NEGR1: variants seen among roughly 807,000 people sequenced by gnomAD.
NEGR1 encodes the protein IgLON family member 4.
A neutral mutation model predicts 40.9 loss-of-function variants in NEGR1; 10 were observed. That is an observed-to-expected ratio of 0.24 (90% confidence interval 0.15 to 0.42). The LOEUF (loss-of-function observed/expected upper bound fraction) is 0.42, where lower values mean the gene tolerates loss of function less well. Ranked by LOEUF, NEGR1 falls within the 10% of genes least tolerant of loss-of-function variation. The probability of loss-of-function intolerance (pLI) is 1.00; values close to 1 mark genes in which losing one functional copy is unlikely to be tolerated. For synonymous variants in NEGR1, 185 were observed against 166.8 expected, an observed-to-expected ratio of 1.11 and a Z score of -0.84; for missense variants, 352 against 438.9, an observed-to-expected ratio of 0.80 and a Z score of 1.77.
intron 1 of NEGR1, among the ~76,000 whole-genome samples, chr1:72,055,655 C>T (rs939819920): frequency 1.3e-5 from 2 of 150,672 alleles, no homozygotes; most frequent in Non-Finnish European, 3.0e-5. Flanking sequence ...ACATTAAATG[C>T]TTATGTCAAA....
intron 2 of NEGR1, among the ~76,000 whole-genome samples, chr1:71,862,580 T>C (rs1196039796): frequency 6.6e-6 from 1 of 152,118 alleles, no homozygotes; most frequent in East Asian, 1.9e-4. Context: ...ATTCTGTGTA[T>C]TGTCTCTTAC....
chr1:72,037,518 A>G (rs1646913600), intron 1 of NEGR1, among the ~76,000 whole-genome samples: 1 of 152,144 alleles, frequency 6.6e-6, no homozygotes, highest in Non-Finnish European at 1.5e-5. Flanking sequence ...TCATTAACCA[A>G]TTGTGCTGTA....
chr1:71,552,137 T>A (rs771289244), intron 6 of NEGR1, among the ~76,000 whole-genome samples: 28 of 151,486 alleles, frequency 1.8e-4, no homozygotes, highest in Non-Finnish European at 3.4e-4. Flanking sequence ...CTTCATATCA[T>A]CACTTGATAT....
At chr1:71,563,511 T>C (rs748269905) in intron 6 of NEGR1, among the ~76,000 whole-genome samples, 3 of 151,638 alleles carry the variant, frequency 2.0e-5, no homozygotes, top group Non-Finnish European at 4.4e-5. Context: ...AGAGGGAGAG[T>C]AAATTATCAT....
intron 1 of NEGR1, among the ~76,000 whole-genome samples, chr1:72,111,093 CACACACACACACACACACGTATATATAT>C (rs1318096140): frequency 6.6e-6 from 1 of 150,782 alleles, no homozygotes; most frequent in Non-Finnish European, 1.5e-5. Flanking sequence ...TATACACACA[CACACACACACACACACACGTATATATAT>C]ACACACACAC....
At chr1:71,611,947 G>A (rs1311391772) in intron 4 of NEGR1, among the ~76,000 whole-genome samples, 1 of 152,194 alleles carries the variant, frequency 6.6e-6, no homozygotes. Context: ...CATTGGCCGA[G>A]TGCGGTGGCT....
At chr1:71,868,457 A>G (rs1005516674) in intron 2 of NEGR1, among the ~76,000 whole-genome samples, 3 of 140,352 alleles carry the variant, frequency 2.1e-5, no homozygotes, top group Non-Finnish European at 4.6e-5. Flanking sequence ...ATAGATAGAT[A>G]GATAGATAGA....
At position 71,431,665 on chromosome 1, in the gene NEGR1, T is replaced by C. The variant is rs188818377; in HGVS notation, c.941-24095A>G. 2.2e-3 allele frequency among the ~76,000 whole-genome samples: 333 copies of C among 152,152 alleles called. 1 individual carries two copies. The highest frequency in any genetic ancestry group is 7.8e-3 in the African/African-American group (323 of 41,496). On this transcript the variant is annotated intron_variant, in intron 6 of 6. Coordinates refer to ENST00000357731, the MANE Select transcript of NEGR1 (RefSeq NM_173808.3). ...TTCCTAGGCACTAGGGATATAGCAA[T>C]GAACAAACAAATTTCTTGCTATCAT...
rs1659171674 is a variant in NEGR1 at position 71,839,738 on chromosome 1, TA to T, written c.410-63442del. Among the ~76,000 whole-genome samples, 3 of 152,142 alleles carry T rather than the reference TA, an allele frequency of 2.0e-5. No homozygotes were observed. The South Asian group carries it at 6.2e-4, about 32-fold the overall frequency. Reference sequence around the variant, plus strand: ...AGGATTTTATTTTAACCAGGACATTTAAACTACTCTTCATAAAGCAATCTCC... The same window carrying T: ...AGGATTTTATTTTAACCAGGACATTTAACTACTCTTCATAAAGCAATCTCC... On this transcript the variant is annotated intron_variant, in intron 2 of 6. Transcript: ENST00000357731.
chr1:72,036,655 CA>C (rs71723530), intron 1 of NEGR1, among the ~76,000 whole-genome samples: 47,506 of 107,574 alleles, frequency 0.44, 7,868 homozygotes, highest in East Asian at 0.63. Context: ...GACTCCATCT[CA>C]AAAAAAAAAA....
chr1:71,781,992 T>C (rs778556975), intron 2 of NEGR1, among the ~76,000 whole-genome samples: 12 of 152,086 alleles, frequency 7.9e-5, no homozygotes, highest in Non-Finnish European at 1.6e-4. Flanking sequence ...TTTTAAAAGA[T>C]CAAAATTCGA....
chr1:72,239,939 G>C (rs1047170560), intron 1 of NEGR1, among the ~76,000 whole-genome samples: 1 of 151,750 alleles, frequency 6.6e-6, no homozygotes, highest in Non-Finnish European at 1.5e-5. Context: ...AAAAGGTCAT[G>C]GAAAATGTGT....
intron 6 of NEGR1, among the ~76,000 whole-genome samples, chr1:71,524,577 G>A (rs913751622): frequency 2.6e-5 from 4 of 151,510 alleles, no homozygotes; most frequent in Non-Finnish European, 5.9e-5. Flanking sequence ...GAAAATATTA[G>A]ATGTAGAAAA....
At chr1:71,502,825 A>G (rs1647007993) in intron 6 of NEGR1, among the ~76,000 whole-genome samples, 1 of 152,192 alleles carries the variant, frequency 6.6e-6, no homozygotes, top group East Asian at 1.9e-4. Flanking sequence ...CATGACTGAG[A>G]TGTATCCTAG....
Position 71,896,812 on chromosome 1 carries a change from C to T in NEGR1, c.409+38267G>A, listed in dbSNP as rs902128548. Among the ~76,000 whole-genome samples, 7 of 152,090 alleles carry T rather than the reference C, an allele frequency of 4.6e-5. No homozygotes were observed. In the South Asian group the frequency reaches 1.2e-3, roughly 27 times the overall value. ...AACATTTGTTGAAAAGGCTATCTTT[C>T]CCCCATTGAAAGTCTTGCCACTCTT... is the stretch of plus-strand genomic sequence containing the variant. On this transcript the variant is annotated intron_variant, in intron 2 of 6. Transcript: ENST00000357731.
chr1:71,902,883 TTTTAC>T (rs1453718919), intron 2 of NEGR1, among the ~76,000 whole-genome samples: 1 of 152,050 alleles, frequency 6.6e-6, no homozygotes, highest in Admixed American at 6.6e-5. Flanking sequence ...TATAAAAAGT[TTTTAC>T]TTTAACTGGA....
intron 1 of NEGR1, among the ~76,000 whole-genome samples, chr1:71,942,986 GTGT>G (rs1645982007): frequency 1.6e-5 from 2 of 123,076 alleles, no homozygotes; most frequent in African/African-American, 3.0e-5. Context: ...AAGTATATAT[GTGT>G]ATATATATGT....
intron 1 of NEGR1, among the ~76,000 whole-genome samples, chr1:72,138,029 C>A (rs1404974082): frequency 1.3e-5 from 2 of 151,852 alleles, no homozygotes; most frequent in African/African-American, 4.8e-5. Context: ...TCACCACTGG[C>A]AGACTCATCA....
chr1:71,522,564 T>C (rs1212293081), intron 6 of NEGR1, among the ~76,000 whole-genome samples: 1 of 151,930 alleles, frequency 6.6e-6, no homozygotes, highest in Non-Finnish European at 1.5e-5. Flanking sequence ...TGGTGAAATG[T>C]CATCATTTCT....
Sources: allele counts gnomAD v4.1 joint callset (sites outside exome capture counted in the v4.1 genomes callset), GRCh38; gene constraint gnomAD v4.1.1; transcripts MANE v1.5; gene names NCBI Gene and HGNC (gene_info 2026-07-23, HGNC 2026-07-21).